GMNC: variants seen among roughly 807,000 people sequenced by gnomAD.
GMNC encodes the protein geminin coiled-coil domain-containing protein 1.
A neutral mutation model predicts 33.6 loss-of-function variants in GMNC; 16 were observed. The observed-to-expected ratio is 0.48, with a 90% CI of 0.32 to 0.72. The LOEUF (loss-of-function observed/expected upper bound fraction) is 0.72, where lower values mean the gene tolerates loss of function less well. Among genes scored for constraint, GMNC ranks in the 30% least tolerant of loss-of-function variants. The pLI, the probability that GMNC is intolerant of heterozygous loss-of-function variation, is 0.03. For missense variants in GMNC, 393 were observed against 388.9 expected (o/e 1.01, Z -0.09); for synonymous variants, 156 against 147.3 (o/e 1.06, Z -0.43).
Position 190,852,896 on chromosome 3 carries a change from T to G in GMNC, c.*2399A>C, listed in dbSNP as rs1334384758. 7.2e-5 allele frequency: 11 copies of G among 152,144 alleles called. No individual in the cohort carries two copies. Among genetic ancestry groups the G allele is most frequent in the Admixed American group, 7.2e-4 (11 of 15,262 alleles). 9.4% of individuals were successfully genotyped at this position (152,144 alleles called of 1,614,324 possible). ...CATATACTCAGGTGAAAGAAATGTT[T>G]AATTTCTAAAACATGAACAAAATAA... is the stretch of plus-strand genomic sequence containing the variant. On this transcript the variant is annotated 3_prime_UTR_variant, in exon 5 of 5. Transcript: ENST00000442080.
At chr3:190,852,463 A>C (rs1737650197), downstream of GMNC, among the ~76,000 whole-genome samples, 1 of 152,178 alleles carries the variant, frequency 6.6e-6, no homozygotes, top group African/African-American at 2.4e-5. Context: ...CGAGTGAGAT[A>C]CAAGTATGAT....
At chr3:190,856,406 T>A (rs1019904020) in intron 4 of GMNC, among the ~76,000 whole-genome samples, 2 of 135,730 alleles carry the variant, frequency 1.5e-5, no homozygotes, top group South Asian at 2.2e-4. Context: ...TATATATTTA[T>A]AAATATATTA....
At chr3:190,859,496 C>T (rs561766824) in intron 2 of GMNC, among the ~76,000 whole-genome samples, 76 of 152,220 alleles carry the variant, frequency 5.0e-4, no homozygotes, top group African/African-American at 1.8e-3. Flanking sequence ...TGCCTGTCTG[C>T]CTGCCTGTTT....
intron 2 of GMNC, chr3:190,859,729 G>A: frequency 2.6e-6 from 1 of 389,478 alleles, no homozygotes. Flanking sequence ...AAAAAACTAT[G>A]GTTGGGCATA....
In GMNC at chr3:190,861,506, C is replaced by G. The variant is rs1296853856; in HGVS notation, c.4-648G>C. On this transcript the variant is annotated intron_variant, in intron 1 of 4. Coordinates refer to ENST00000442080, the MANE Select transcript of GMNC (RefSeq NM_001146686.3). This position sits in a 1 kb window ranked among gnomAD's most constrained non-coding sequence, Gnocchi z 5.1. ...TCTATCTATCTATCTATCTATCTAT[C>G]TATCTCTGTCCCAGAGATAATTAAA... 6.7e-6 allele frequency among the ~76,000 whole-genome samples: 1 copy of G among 149,666 alleles called. No individual in the cohort carries two copies. Among genetic ancestry groups the G allele is most frequent in the Non-Finnish European group, 1.5e-5 (1 of 67,286 alleles).
chr3:190,857,850 T>C lies in GMNC; in HGVS notation c.317A>G (p.Glu106Gly), dbSNP rs771421241. The change falls in exon 4 of 5, where the codon GAA (glutamate) becomes GGA (glycine). Residue 106 changes from glutamate (E) to glycine (G), a missense_variant. Coordinates refer to ENST00000442080, the MANE Select transcript of GMNC (RefSeq NM_001146686.3). ...GTATTGTCTGAGGTGATTATTCTCT[T>C]CGTGTAACCTGGCGAGTTCTTCTTC... ...QKEEELARLHEENNHLRQYLN... is the reference protein window; with the variant it reads ...QKEEELARLHGENNHLRQYLN... 7.1e-6 allele frequency: 11 copies of C among 1,551,330 alleles called. No individual in the cohort carries two copies. The South Asian group carries it at 1.3e-4, about 18-fold the overall frequency.
Position 190,861,424 on chromosome 3 carries a change from A to AATCTATC in GMNC, c.4-573_4-567dup, listed in dbSNP as rs1737863334. On this transcript the variant is annotated intron_variant, in intron 1 of 4. Transcript: ENST00000442080. The surrounding 1 kb of genome is among the most constrained non-coding windows in gnomAD (Gnocchi z 5.1). ...ACATACTGCTGGCTCATAGTCCATC[A>AATCTATC]ATCTATCTGTCTGTCTGTCTGTCTG... 6.6e-6 allele frequency among the ~76,000 whole-genome samples: 1 copy of AATCTATC among 151,434 alleles called. No homozygotes were observed.
chr3:190,861,336 G>A lies in GMNC; in HGVS notation c.4-478C>T, dbSNP rs115531144. On this transcript the variant is annotated intron_variant, in intron 1 of 4. Coordinates refer to ENST00000442080, the MANE Select transcript of GMNC (RefSeq NM_001146686.3). This position sits in a 1 kb window ranked among gnomAD's most constrained non-coding sequence, Gnocchi z 5.1. ...TGGATGTGACATAATATAGACTAAC[G>A]TCTTCATTTTTGTTTCTGAATCATA... Among the ~76,000 whole-genome samples the A allele has an allele frequency of 4.7e-3, 715 of 152,224 alleles. 6 individuals carry two copies. Among genetic ancestry groups the A allele is most frequent in the Middle Eastern group, 0.034 (10 of 294 alleles).
downstream of GMNC, among the ~76,000 whole-genome samples, chr3:190,849,706 CA>C (rs1737604660): frequency 6.6e-6 from 1 of 152,136 alleles, no homozygotes; most frequent in African/African-American, 2.4e-5. Context: ...GAAGCAACAA[CA>C]AAAACAGCAG....
Position 190,860,854 on chromosome 3 carries a change from G to C in GMNC, c.8C>G (p.Thr3Ser). 1.3e-6 allele frequency: 2 copies of C among 1,547,230 alleles called. No homozygotes were observed. Among genetic ancestry groups the C allele is most frequent in the Non-Finnish European group, 1.7e-6 (2 of 1,143,996 alleles). Residue 3 changes from threonine to serine, a missense_variant, in exon 2 of 5, where the codon ACC (threonine) becomes AGC (serine). Transcript: ENST00000442080. ...GTACTGGTCTTGGCAAGGCAGAATG[G>C]TGTTCTGTGAAATTCAGTATGGGGG... is the stretch of plus-strand genomic sequence containing the variant. The part of the protein sequence containing the change: MN[T>S]ILPCQDQYFV...
At chr3:190,850,971 A>T (rs1228486099), downstream of GMNC, among the ~76,000 whole-genome samples, 2 of 67,074 alleles carry the variant, frequency 3.0e-5, no homozygotes, top group East Asian at 1.7e-3. Flanking sequence ...TTCTCCAAGG[A>T]AAAAAAAATA....
At chr3:190,859,923 C>T (rs1737825899) in intron 2 of GMNC, 3 of 370,642 alleles carry the variant, frequency 8.1e-6, no homozygotes, top group Non-Finnish European at 1.6e-5. Context: ...TTTACTGTTG[C>T]TTGTAGTGGA....
In GMNC at chr3:190,858,998, T is replaced by C; in HGVS notation, c.197A>G (p.Asn66Ser). The C allele has an allele frequency of 6.5e-7, 1 of 1,546,808 alleles. No individual in the cohort carries two copies. The highest frequency in any genetic ancestry group is 8.7e-7 in the Non-Finnish European group (1 of 1,142,878). ...PQAQESFSDS[N>S]FPLPDLCSWE... The stretch of plus-strand genomic sequence containing the variant: ...TGAGCACAAGTCCGGAAGAGGAAAA[T>C]TTGAGTCACTGAATGATTCTGTGAA... Residue 66 changes from asparagine to serine, a missense_variant, in exon 3 of 5, where the codon AAT (asparagine) becomes AGT (serine). Physicochemically the swap from Asn to Ser is conservative, Grantham distance 46 (BLOSUM62 1). Transcript: ENST00000442080.
rs1256107343 is a variant in GMNC at position 190,853,288 on chromosome 3, A to G, written c.*2007T>C. On this transcript the variant is annotated 3_prime_UTR_variant, in exon 5 of 5. Coordinates refer to ENST00000442080, the MANE Select transcript of GMNC (RefSeq NM_001146686.3). ...TAGTTATATTACTTTCTCAATTCCT[A>G]GTGTCATAAAGTACAATAATTCGAA... The G allele has an allele frequency of 6.6e-6, 1 of 152,124 alleles. No individual in the cohort carries two copies. Among genetic ancestry groups the G allele is most frequent in the Non-Finnish European group, 1.5e-5 (1 of 67,996 alleles). The allele number at this position is 152,124 out of a possible 1,614,324, so 9.4% of individuals were successfully genotyped here. A position where few individuals can be genotyped will look rare whatever the true frequency, so the allele number is the denominator to read the frequency against.
At position 190,853,696 on chromosome 3, in the gene GMNC, C is replaced by T. The variant is rs1350163694; in HGVS notation, c.*1599G>A. The T allele has an allele frequency of 6.6e-6, 1 of 151,840 alleles. No homozygotes were observed. Among genetic ancestry groups the T allele is most frequent in the African/African-American group, 2.4e-5 (1 of 41,322 alleles). 9.4% of individuals were successfully genotyped at this position (151,840 alleles called of 1,614,324 possible). ...AAAAGAGAAAAATGAGAACAGGTTT[C>T]AACATGAAAGATTTCATCATTAATT... is the stretch of plus-strand genomic sequence containing the variant. On this transcript the variant is annotated 3_prime_UTR_variant, in exon 5 of 5. Transcript: ENST00000442080.
At position 190,855,164 on chromosome 3, in the gene GMNC, G is replaced by A. The variant is rs950381563; in HGVS notation, c.*131C>T. 9.1e-6 allele frequency: 8 copies of A among 882,172 alleles called. No individual in the cohort carries two copies. In the African/African-American group the frequency reaches 1.2e-4, roughly 13 times the overall value. The allele number at this position is 882,172 out of a possible 1,614,324, so 54.6% of individuals were successfully genotyped here. On this transcript the variant is annotated 3_prime_UTR_variant, in exon 5 of 5. Transcript: ENST00000442080. ...TCCCTGCAGATTTAAGTGGGTAATT[G>A]AGAGTGACATTTAAAGTGGCAGGAG...
chr3:190,862,640 G>A lies in GMNC; in HGVS notation c.-25C>T. 6.4e-7 allele frequency: 1 copy of A among 1,552,286 alleles called. No individual in the cohort carries two copies. Among genetic ancestry groups the A allele is most frequent in the Non-Finnish European group, 8.7e-7 (1 of 1,147,108 alleles). On this transcript the variant is annotated 5_prime_UTR_variant, in exon 1 of 5. Coordinates refer to ENST00000442080, the MANE Select transcript of GMNC (RefSeq NM_001146686.3). This position sits in a 1 kb window ranked among gnomAD's most constrained non-coding sequence, Gnocchi z 4.5. Reference sequence around the variant, plus strand: ...TCTTGCAGTGGAAGAAAGCGCTGCAGAAACTGAGCCCACTCAATTTTTCAG... The same window carrying A: ...TCTTGCAGTGGAAGAAAGCGCTGCAAAAACTGAGCCCACTCAATTTTTCAG...
chr3:190,849,040 A>G (rs535007516), downstream of GMNC, among the ~76,000 whole-genome samples: 2 of 152,206 alleles, frequency 1.3e-5, no homozygotes, highest in Non-Finnish European at 1.5e-5. Context: ...ATCTAGGGCT[A>G]TGCTGAGTCA....
the GMNC span, among the ~76,000 whole-genome samples, chr3:190,847,347 T>G: frequency 6.6e-6 from 1 of 152,198 alleles, no homozygotes; most frequent in Non-Finnish European, 1.5e-5. Flanking sequence ...TCTAGGGACC[T>G]GAAAAACTTC....
Sources: gnomAD v4.1 joint callset for allele counts (sites outside exome capture counted in the v4.1 genomes callset) on GRCh38, gnomAD v4.1.1 for gene constraint, Gnocchi (gnomAD v3.1) non-coding constraint, MANE v1.5 for transcripts, NCBI Gene and HGNC (gene_info 2026-07-23, HGNC 2026-07-21) for gene names.